ASB7: variants seen among roughly 807,000 people sequenced by gnomAD.
The protein encoded by ASB7 is ankyrin repeat and SOCS box containing 7.
In ASB7, 4 loss-of-function variants were observed where a neutral mutation model predicts 32.5. The observed-to-expected ratio is 0.12, with a 90% CI of 0.06 to 0.28. The LOEUF (loss-of-function observed/expected upper bound fraction) is 0.28, where lower values mean the gene tolerates loss of function less well. ASB7 is among the 10% of genes least tolerant of loss of function. The probability of loss-of-function intolerance (pLI) is 1.00; values close to 1 mark genes in which losing one functional copy is unlikely to be tolerated. For missense variants in ASB7, 181 were observed against 407.1 expected (o/e 0.44, Z 4.78); for synonymous variants, 172 against 155.6 (o/e 1.11, Z -0.78).
intron 4 of ASB7, among the ~76,000 whole-genome samples, chr15:100,614,715 C>T (rs1247845631): frequency 7.5e-6 from 1 of 133,570 alleles, no homozygotes; most frequent in African/African-American, 2.9e-5. Context: ...GAATAAAATG[C>T]ACTAACACTT....
At chr15:100,611,481 A>ATTT in intron 3 of ASB7, among the ~76,000 whole-genome samples, 2 of 13,300 alleles carry the variant, frequency 1.5e-4, no homozygotes, top group Non-Finnish European at 4.9e-4. Context: ...GATTGTTTCG[A>ATTT]TTCTTTTTTT....
In ASB7 at chr15:100,648,491, GTTCTA is replaced by G. The variant is rs772564230; in HGVS notation, c.*35_*39del. The G allele has an allele frequency of 1.3e-6, 2 of 1,565,918 alleles. No homozygotes were observed. The highest frequency in any genetic ancestry group is 2.7e-5 in the African/African-American group (2 of 72,794). ...GCCAGAACTGTGAGCAAGATTAGGA[GTTCTA>G]TTCTAGATACTTAAAAGGCTTTTTG... is the stretch of plus-strand genomic sequence containing the variant. On this transcript the variant is annotated 3_prime_UTR_variant, in exon 6 of 6. Coordinates refer to ENST00000332783, the MANE Select transcript of ASB7 (RefSeq NM_198243.3).
chr15:100,608,330 C>G (rs1410229394), intron 2 of ASB7, among the ~76,000 whole-genome samples: 1 of 152,178 alleles, frequency 6.6e-6, no homozygotes, highest in Non-Finnish European at 1.5e-5. Context: ...ATGTTTGTCA[C>G]CACCTTGAGG....
chr15:100,622,641 A>G (rs777484179), intron 4 of ASB7, among the ~76,000 whole-genome samples: 38 of 152,220 alleles, frequency 2.5e-4, no homozygotes, highest in Non-Finnish European at 4.4e-4. Flanking sequence ...CCAGAAATCT[A>G]CGTATTTTTA....
Position 100,645,487 on chromosome 15 carries a change from T to G in ASB7, c.818-2836T>G, listed in dbSNP as rs1192130776. 3 of 582,394 alleles carry G rather than the reference T, an allele frequency of 5.2e-6. No individual in the cohort carries two copies. The Admixed American group carries it at 6.5e-5, about 13-fold the overall frequency. The allele number at this position is 582,394 out of a possible 1,614,324, so 36.1% of individuals were successfully genotyped here. A position where few individuals can be genotyped will look rare whatever the true frequency, so the allele number is the denominator to read the frequency against. On this transcript the variant is annotated intron_variant, in intron 5 of 5. Coordinates refer to ENST00000332783, the MANE Select transcript of ASB7 (RefSeq NM_198243.3). ...CTGCTCCTCCACTCGGAAGGAGCCC[T>G]GTGTCTGTCTAGTCTGCTCTCAGAA...
At position 100,624,920 on chromosome 15, in the gene ASB7, C is replaced by G. The variant is rs182040681; in HGVS notation, c.212-4517C>G. On this transcript the variant is annotated intron_variant, in intron 4 of 5. Coordinates refer to ENST00000332783, the MANE Select transcript of ASB7 (RefSeq NM_198243.3). ...TTGGTGTATAAAAAAAAATATTATG[C>G]CCAAGTAGTATTTACTCCAGGAGTA... Among the ~76,000 whole-genome samples the G allele has an allele frequency of 2.4e-4, 36 of 152,124 alleles. 2 individuals are homozygous for G. Among genetic ancestry groups the G allele is most frequent in the African/African-American group, 8.0e-4 (33 of 41,508 alleles).
intron 5 of ASB7, among the ~76,000 whole-genome samples, chr15:100,632,258 G>T (rs796152331): frequency 6.6e-6 from 1 of 152,200 alleles, no homozygotes; most frequent in African/African-American, 2.4e-5. Context: ...GGCTGACTGC[G>T]CACAGCGAGG....
chr15:100,624,516 A>G (rs1225357848), intron 4 of ASB7, among the ~76,000 whole-genome samples: 15 of 152,260 alleles, frequency 9.9e-5, no homozygotes, highest in Admixed American at 9.2e-4. Context: ...GATTAGGAGT[A>G]TAATGGGCAC....
At chr15:100,647,624 G>A (rs1210765183) in intron 5 of ASB7, among the ~76,000 whole-genome samples, 1 of 152,092 alleles carries the variant, frequency 6.6e-6, no homozygotes, top group African/African-American at 2.4e-5. Flanking sequence ...AAGTGATCAG[G>A]GTGTGGAAGC....
chr15:100,620,538 G>T (rs969739679), intron 4 of ASB7, among the ~76,000 whole-genome samples: 1 of 81,210 alleles, frequency 1.2e-5, no homozygotes, highest in African/African-American at 3.1e-5. Flanking sequence ...TAGCACATCT[G>T]TACAAACCCT....
intron 2 of ASB7, among the ~76,000 whole-genome samples, chr15:100,605,496 T>C (rs1208522651): frequency 6.6e-6 from 1 of 152,256 alleles, no homozygotes; most frequent in Non-Finnish European, 1.5e-5. Context: ...AGTGATGTCA[T>C]TTACAATTAG....
intron 4 of ASB7, among the ~76,000 whole-genome samples, chr15:100,628,354 C>T (rs1322380996): frequency 2.6e-5 from 4 of 152,132 alleles, no homozygotes; most frequent in East Asian, 3.9e-4. Flanking sequence ...TTAAACAATA[C>T]GTGAGTTTTC....
chr15:100,623,230 C>T (rs973194037), intron 4 of ASB7, among the ~76,000 whole-genome samples: 19 of 152,288 alleles, frequency 1.2e-4, no homozygotes, highest in African/African-American at 4.6e-4. Flanking sequence ...AAAACCCCAT[C>T]TCTACTAAAA....
intron 2 of ASB7, among the ~76,000 whole-genome samples, chr15:100,607,758 A>G (rs1596996316): frequency 1.3e-5 from 2 of 152,214 alleles, no homozygotes; most frequent in African/African-American, 2.4e-5. Flanking sequence ...TTAAGTGTCA[A>G]GCATTCTGTA....
At chr15:100,623,962 T>TAC (rs2039814700) in intron 4 of ASB7, among the ~76,000 whole-genome samples, 1 of 152,198 alleles carries the variant, frequency 6.6e-6, no homozygotes, top group African/African-American at 2.4e-5. Context: ...GTGGTATATA[T>TAC]ACACACAATA....
chr15:100,622,847 G>C (rs1158998922), intron 4 of ASB7, among the ~76,000 whole-genome samples: 2 of 152,204 alleles, frequency 1.3e-5, no homozygotes, highest in Admixed American at 1.3e-4. Context: ...AAGAAAACAG[G>C]AAAAACACTT....
chr15:100,626,293 G>T (rs2039836268), intron 4 of ASB7, among the ~76,000 whole-genome samples: 1 of 152,118 alleles, frequency 6.6e-6, no homozygotes, highest in East Asian at 1.9e-4. Flanking sequence ...TTAATGAGGA[G>T]ACAACCAATA....
At chr15:100,609,621 C>T (rs1000087912) in intron 2 of ASB7, 86 bp from the exon 3 acceptor site, 86 of 152,326 alleles carry the variant, frequency 5.6e-4, no homozygotes, top group African/African-American at 1.9e-3. Flanking sequence ...CTGAAGTTTA[C>T]ATTCATCAAA....
chr15:100,611,158 CTT>C (rs2039692077), intron 3 of ASB7, among the ~76,000 whole-genome samples: 1 of 152,148 alleles, frequency 6.6e-6, no homozygotes, highest in Non-Finnish European at 1.5e-5. Flanking sequence ...GATCCTCCTG[CTT>C]CTACCTGCCG....
Sources: allele counts gnomAD v4.1 joint callset (sites outside exome capture counted in the v4.1 genomes callset), GRCh38; gene constraint gnomAD v4.1.1; transcripts MANE v1.5; gene names NCBI Gene and HGNC (gene_info 2026-07-23, HGNC 2026-07-21).